Variants in KDM5B observed in about 807,000 individuals in gnomAD.
KDM5B encodes the protein lysine-specific demethylase 5B.
KDM5B carries 144 observed loss-of-function variants against 193.4 expected under a neutral mutation model. That is an observed-to-expected ratio of 0.74 (90% CI 0.65 to 0.86). The LOEUF (loss-of-function observed/expected upper bound fraction) is 0.86. KDM5B is among the 40% of genes least tolerant of loss of function. The pLI is 0.00. For synonymous variants in KDM5B, 668 were observed against 682.6 expected (o/e 0.98, Z 0.33); for missense variants, 1,833 against 1,886.9 (o/e 0.97, Z 0.53).
intron 12 of KDM5B, among the ~76,000 whole-genome samples, 157 bp downstream of exon 12, chr1:202,752,748 G>C (rs1281255810): frequency 6.6e-6 from 1 of 152,208 alleles, no homozygotes; most frequent in African/African-American, 2.4e-5. Flanking sequence ...GTCCTACTGA[G>C]TAAATGTACA....
intron 23 of KDM5B, among the ~76,000 whole-genome samples, chr1:202,733,038 GAGA>G (rs1654944234): frequency 6.6e-6 from 1 of 152,182 alleles, no homozygotes; most frequent in African/African-American, 2.4e-5. Flanking sequence ...TGACTTACAT[GAGA>G]AGAAGCAGGG....
intron 5 of KDM5B, chr1:202,766,492 C>T (rs1020128799): frequency 4.7e-5 from 20 of 428,472 alleles, no homozygotes; most frequent in Admixed American, 1.4e-4. Flanking sequence ...GGCAACACAG[C>T]GAGACTCTGT....
chr1:202,752,491 G>A (rs1381318189), intron 12 of KDM5B, among the ~76,000 whole-genome samples: 5 of 152,168 alleles, frequency 3.3e-5, no homozygotes, highest in African/African-American at 9.7e-5. Context: ...ACCTAGCAAC[G>A]CATTTCTCAG....
intron 7 of KDM5B, among the ~76,000 whole-genome samples, 190 bp downstream of exon 7, chr1:202,762,509 C>G (rs774499077): frequency 1.6e-4 from 24 of 152,184 alleles, no homozygotes; most frequent in Non-Finnish European, 2.9e-4. Context: ...ATAGTATGAT[C>G]ATGTATTTCC....
At chr1:202,757,886 T>C (rs189836322) in intron 9 of KDM5B, among the ~76,000 whole-genome samples, 106 of 152,342 alleles carry the variant, frequency 7.0e-4, no homozygotes, top group Non-Finnish European at 1.4e-3. Context: ...AATTAAAGCA[T>C]TACATTTTGG....
intron 20 of KDM5B, 97 bp downstream of exon 20, chr1:202,740,577 T>TC (rs1558484410): frequency 8.6e-7 from 1 of 1,165,268 alleles, no homozygotes; most frequent in Non-Finnish European, 1.2e-6. Flanking sequence ...GCTGGCCGGG[T>TC]CGGGGGCTGA....
chr1:202,742,557 C>T (rs973277329), intron 17 of KDM5B, 52 bp from the exon 18 acceptor site: 1 of 1,600,100 alleles, frequency 6.2e-7, no homozygotes, highest in Non-Finnish European at 8.6e-7. Flanking sequence ...ACATGTCCAC[C>T]ACACCCAGGT....
At position 202,785,909 on chromosome 1, in the gene KDM5B, T is replaced by TAAA. The variant is rs535467100; in HGVS notation, c.205-8818_205-8816dup. Among the ~76,000 whole-genome samples the TAAA allele has an allele frequency of 8.2e-5, 11 of 134,172 alleles. 1 individual carries two copies. The highest frequency in any genetic ancestry group is 2.8e-4 in the African/African-American group (10 of 36,268). The allele number at this position is 134,172 out of a possible 152,430, so 88.0% of individuals were successfully genotyped here. ...GGGCAAACAGAGCAAGACTCCCAATTAAAAAAAAAAAAAAAAAGTGCCGGT... is the reference window on the plus strand; with the variant it reads ...GGGCAAACAGAGCAAGACTCCCAATTAAAAAAAAAAAAAAAAAAAAGTGCCGGT... On this transcript the variant is annotated intron_variant, in intron 1 of 26. Transcript: ENST00000367265.
At chr1:202,804,823 C>CACTGCACTCCAGGCCTGGGCA (rs1195123021) in intron 1 of KDM5B, among the ~76,000 whole-genome samples, 2 of 145,598 alleles carry the variant, frequency 1.4e-5, no homozygotes, top group African/African-American at 5.1e-5. Context: ...TGTGATGAGC[C>CACTGCACTCCAGGCCTGGGCA]ACTGCACTCC....
intron 1 of KDM5B, among the ~76,000 whole-genome samples, chr1:202,801,966 C>A (rs1467974744): frequency 6.6e-6 from 1 of 151,396 alleles, no homozygotes; most frequent in African/African-American, 2.4e-5. Flanking sequence ...CAGTTCCCAA[C>A]CTTCATTCCA....
Position 202,808,135 on chromosome 1 carries a change from C to G in KDM5B, c.171G>C (p.Glu57Asp), listed in dbSNP as rs769059385. The part of the protein sequence containing the change: ...AFIHKIRPIA[E>D]QTGICKVRPP... ...GCCGCACCTTACAGATGCCAGTCTG[C>G]TCGGCTATGGGCCGGATCTTGTGGA... is the stretch of plus-strand genomic sequence containing the variant. Residue 57 changes from glutamate to aspartate, a missense_variant, in exon 1 of 27, where the codon GAG (glutamate) becomes GAC (aspartate). Around this residue, in one of 3 missense-constraint regions of KDM5B, gnomAD observed 355 missense variants for 374.9 expected, o/e 0.95. Coordinates refer to ENST00000367265, the MANE Select transcript of KDM5B (RefSeq NM_006618.5). 2.5e-6 allele frequency: 4 copies of G among 1,612,602 alleles called. No homozygotes were observed. The highest frequency in any genetic ancestry group is 3.4e-6 in the Non-Finnish European group (4 of 1,179,426).
intron 14 of KDM5B, among the ~76,000 whole-genome samples, chr1:202,748,711 A>AT (rs932723648): frequency 2.0e-5 from 3 of 151,968 alleles, no homozygotes; most frequent in Admixed American, 6.6e-5. Flanking sequence ...TCTACAAAAC[A>AT]TTTTTTTTAA....
In KDM5B at chr1:202,755,286, A is replaced by G. The variant is rs1481595109; in HGVS notation, c.1523T>C (p.Ile508Thr). The G allele has an allele frequency of 6.2e-7, 1 of 1,614,094 alleles. No homozygotes were observed. The highest frequency in any genetic ancestry group is 8.5e-7 in the Non-Finnish European group (1 of 1,179,958). Residue 508 changes from isoleucine (I) to threonine (T), a missense_variant, in exon 11 of 27, where the codon ATT (isoleucine) becomes ACT (threonine). Ile to Thr is a moderately conservative substitution (Grantham distance 89). Coordinates refer to ENST00000367265, the MANE Select transcript of KDM5B (RefSeq NM_006618.5). ...AACTTCTCACCAGTGCAAGTAGTTA[A>G]TTGAATAGCTCCAGTGGTCTTCAAT... ...WHIEDHWSYS[I>T]NYLHWGEPKT...
intron 1 of KDM5B, among the ~76,000 whole-genome samples, chr1:202,794,833 A>G (rs938965856): frequency 3.9e-5 from 6 of 152,184 alleles, no homozygotes; most frequent in African/African-American, 1.4e-4. Context: ...TTTTTTTCCT[A>G]TACATACATA....
intron 3 of KDM5B, 122 bp from the exon 4 acceptor site, chr1:202,773,410 C>CAT (rs540407172): frequency 9.7e-4 from 681 of 702,830 alleles, no homozygotes; most frequent in African/African-American, 4.0e-3. Flanking sequence ...TTTTGCCAAT[C>CAT]ATATATATAT....
Position 202,736,275 on chromosome 1 carries a change from C to A in KDM5B, c.3202G>T (p.Ala1068Ser), listed in dbSNP as rs773986159. The change falls in exon 21 of 27, where the codon GCT becomes TCT. Residue 1068 changes from alanine (A) to serine (S), a missense_variant. This residue lies in a region of KDM5B where 1,379 missense variants were observed against 1,349.6 expected (regional missense o/e 1.02). Coordinates refer to ENST00000367265, the MANE Select transcript of KDM5B (RefSeq NM_006618.5). ...RLETLVAEVQAWKECAVNTFL... is the reference protein window; with the variant it reads ...RLETLVAEVQSWKECAVNTFL... ...GTATTAACAGCACATTCTTTCCAAG[C>A]CTGAACCTCAGCTACTAGGGTTTCC... 5.0e-6 allele frequency: 8 copies of A among 1,612,218 alleles called. No homozygotes were observed. In the East Asian group the frequency reaches 1.3e-4, roughly 27 times the overall value.
intron 1 of KDM5B, among the ~76,000 whole-genome samples, chr1:202,801,680 G>A (rs1304361972): frequency 6.6e-6 from 1 of 150,888 alleles, no homozygotes; most frequent in Admixed American, 6.6e-5. Flanking sequence ...TTAATCCCAT[G>A]CAAGGACACA....
rs191833159 is a variant in KDM5B at position 202,804,132 on chromosome 1, T to C, written c.204+3970A>G. On this transcript the variant is annotated intron_variant, in intron 1 of 26. Coordinates refer to ENST00000367265, the MANE Select transcript of KDM5B (RefSeq NM_006618.5). ...TTACAAGTGAGTTCAGGGTTTCTTT[T>C]GAGGGAGATGAAAATGTTCTACAAT... Among the ~76,000 whole-genome samples the C allele has an allele frequency of 6.0e-4, 91 of 152,250 alleles. 1 individual carries two copies. In the East Asian group the frequency reaches 0.013, roughly 22 times the overall value.
chr1:202,766,531 A>T (rs1656467652), intron 5 of KDM5B: 1 of 435,626 alleles, frequency 2.3e-6, no homozygotes, highest in African/African-American at 2.1e-5. Flanking sequence ...AAGTCTGAGA[A>T]AAGTGGCTTT....
Sources: allele counts gnomAD v4.1 joint callset (sites outside exome capture counted in the v4.1 genomes callset), GRCh38; gene constraint gnomAD v4.1.1; regional missense constraint gnomAD v4.1.1; transcripts MANE v1.5; gene names NCBI Gene and HGNC (gene_info 2026-07-23, HGNC 2026-07-21).